PCDH15: variants seen among roughly 807,000 people sequenced by gnomAD.
PCDH15 encodes protocadherin-15.
PCDH15 carries 129 observed loss-of-function variants against 178.5 expected under a neutral mutation model. That is an observed-to-expected ratio of 0.72 (90% CI 0.63 to 0.84). The LOEUF (loss-of-function observed/expected upper bound fraction) is 0.84. Ranked by LOEUF, PCDH15 falls within the 40% of genes least tolerant of loss-of-function variation. The pLI is 0.00. For missense variants in PCDH15, 2,230 were observed against 2,099.9 expected, an observed-to-expected ratio of 1.06 and a Z score of -1.21; for synonymous variants, 800 against 732.0, an observed-to-expected ratio of 1.09 and a Z score of -1.50.
intron 3 of PCDH15, among the ~76,000 whole-genome samples, chr10:54,438,467 C>G (rs1399966831): frequency 6.6e-6 from 1 of 151,878 alleles, no homozygotes; most frequent in East Asian, 1.9e-4. Context: ...CCTCTTACAT[C>G]TTCTGTGGCA....
At chr10:54,837,609 C>T (rs548716183) in intron 3 of PCDH15, among the ~76,000 whole-genome samples, 180 of 152,032 alleles carry the variant, frequency 1.2e-3, no homozygotes, top group African/African-American at 4.1e-3. Context: ...TTCCTTTGAA[C>T]GAGTCAATCT....
At chr10:53,880,521 G>A (rs1020651842) in intron 26 of PCDH15, among the ~76,000 whole-genome samples, 2 of 151,944 alleles carry the variant, frequency 1.3e-5, no homozygotes, top group Non-Finnish European at 2.9e-5. Context: ...TCTGAATGTC[G>A]AATCCTCTGT....
At chr10:54,701,121 C>T (rs61456230) in intron 1 of PCDH15, among the ~76,000 whole-genome samples, 2,711 of 152,012 alleles carry the variant, frequency 0.018, 80 homozygotes, top group African/African-American at 0.06. Context: ...AAAATAATCA[C>T]AACAAATTGG....
intron 8 of PCDH15, among the ~76,000 whole-genome samples, chr10:54,291,661 C>T (rs2384440): frequency 0.5 from 75,469 of 151,904 alleles, 19,435 homozygotes; most frequent in Middle Eastern, 0.59. Flanking sequence ...CCCACAGAAA[C>T]ACAAACTACC....
At chr10:54,815,747 A>C in intron 3 of PCDH15, among the ~76,000 whole-genome samples, 1 of 152,110 alleles carries the variant, frequency 6.6e-6, no homozygotes. Flanking sequence ...AATATATGCT[A>C]TATAGATTGA....
At chr10:53,916,478 T>C (rs1189230478) in intron 25 of PCDH15, among the ~76,000 whole-genome samples, 2 of 152,012 alleles carry the variant, frequency 1.3e-5, no homozygotes, top group South Asian at 2.1e-4. Flanking sequence ...TTCAAACGGA[T>C]ACATTTAAAA....
chr10:55,439,232 A>C (rs1839121524), intron 2 of PCDH15, among the ~76,000 whole-genome samples: 1 of 152,182 alleles, frequency 6.6e-6, no homozygotes, highest in South Asian at 2.1e-4. Flanking sequence ...CACAGGAAAG[A>C]AAATGAGACA....
At chr10:53,934,597 CA>C (rs201193553) in intron 25 of PCDH15, among the ~76,000 whole-genome samples, 12,669 of 121,070 alleles carry the variant, frequency 0.1, 1,104 homozygotes, top group East Asian at 0.27. Context: ...GACTCTGTCT[CA>C]AAAAAAAAAA....
At chr10:55,090,830 C>T (rs1201657402) in intron 2 of PCDH15, among the ~76,000 whole-genome samples, 1 of 152,004 alleles carries the variant, frequency 6.6e-6, no homozygotes, top group African/African-American at 2.4e-5. Context: ...ATATCCTTTT[C>T]TTAGAAATTC....
At chr10:54,115,879 T>A (rs2095104202) in intron 15 of PCDH15, among the ~76,000 whole-genome samples, 1 of 152,224 alleles carries the variant, frequency 6.6e-6, no homozygotes, top group South Asian at 2.1e-4. Flanking sequence ...ATCTATAGTT[T>A]TGAGACAGAG....
intron 26 of PCDH15, among the ~76,000 whole-genome samples, chr10:53,888,838 A>G (rs1291706617): frequency 6.7e-6 from 1 of 150,340 alleles, no homozygotes; most frequent in Non-Finnish European, 1.5e-5. Context: ...TTATAAAACT[A>G]TAGTAATTCA....
intron 2 of PCDH15, chr10:55,597,273 C>G (rs1288889638): frequency 6.6e-6 from 1 of 152,086 alleles, no homozygotes; most frequent in African/African-American, 2.4e-5. Flanking sequence ...CACATACGTA[C>G]GTTCACGCAC....
chr10:55,496,273 C>T (rs1840531904), intron 2 of PCDH15, among the ~76,000 whole-genome samples: 1 of 151,766 alleles, frequency 6.6e-6, no homozygotes, highest in Admixed American at 6.6e-5. Context: ...GAAATGTGAT[C>T]CAAAAAATAA....
At chr10:54,010,415 T>C (rs893169521) in intron 20 of PCDH15, among the ~76,000 whole-genome samples, 1 of 152,112 alleles carries the variant, frequency 6.6e-6, no homozygotes, top group African/African-American at 2.4e-5. Flanking sequence ...GTCACCATTT[T>C]TTGCTGCTCC....
At chr10:53,991,665 T>A (rs2610883) in intron 21 of PCDH15, among the ~76,000 whole-genome samples, 3,296 of 152,096 alleles carry the variant, frequency 0.022, 104 homozygotes, top group African/African-American at 0.075. Context: ...CGGCACTCTG[T>A]GTCTAGCTCA....
At chr10:55,011,624 CAT>C (rs1840049456) in intron 2 of PCDH15, among the ~76,000 whole-genome samples, 3 of 151,982 alleles carry the variant, frequency 2.0e-5, no homozygotes, top group African/African-American at 7.2e-5. Context: ...AATTATAAGA[CAT>C]TTTTGTTTTC....
chr10:54,474,683 T>G (rs2078153014), intron 3 of PCDH15, among the ~76,000 whole-genome samples: 1 of 151,954 alleles, frequency 6.6e-6, no homozygotes, highest in South Asian at 2.1e-4. Flanking sequence ...GCCTTTGAAT[T>G]ACATAATTTA....
intron 2 of PCDH15, among the ~76,000 whole-genome samples, chr10:55,571,333 T>A (rs1842404645): frequency 6.6e-6 from 1 of 152,068 alleles, no homozygotes; most frequent in South Asian, 2.1e-4. Context: ...ACCCCTTATC[T>A]TTATAAATTA....
At chr10:53,812,831 A>T (rs1035684938) in intron 35 of PCDH15, among the ~76,000 whole-genome samples, 5 of 152,194 alleles carry the variant, frequency 3.3e-5, no homozygotes, top group Admixed American at 6.5e-5. Context: ...ATTGGTACAT[A>T]TTTCTATCAT....
Sources: gnomAD v4.1 joint callset for allele counts (sites outside exome capture counted in the v4.1 genomes callset) on GRCh38, gnomAD v4.1.1 for gene constraint, MANE v1.5 for transcripts, NCBI Gene and HGNC (gene_info 2026-07-23, HGNC 2026-07-21) for gene names.